Variants in MCC observed in about 807,000 individuals in gnomAD.
The protein encoded by MCC is colorectal mutant cancer protein.
Under a neutral mutation model 116.2 loss-of-function variants are expected in MCC, and 90 were observed. The ratio of observed to expected loss-of-function variants is 0.77; its 90% CI spans 0.65 to 0.92. The LOEUF is 0.92. MCC is among the 40% of genes least tolerant of loss of function. MCC has a pLI of 0.00. For synonymous variants in MCC, 578 were observed against 510.5 expected, an observed-to-expected ratio of 1.13 and a Z score of -1.78; for missense variants, 1,516 against 1,312.2, an observed-to-expected ratio of 1.16 and a Z score of -2.40.
At chr5:113,325,166 G>A (rs1338655107) in intron 3 of MCC, among the ~76,000 whole-genome samples, 2 of 152,058 alleles carry the variant, frequency 1.3e-5, no homozygotes, top group African/African-American at 4.8e-5. Flanking sequence ...AACTCACAAT[G>A]AGATAAGTTA....
rs183380466 is a variant in MCC, at chr5:113,103,305, C to G, written c.1191+887G>C. 1.8e-4 allele frequency among the ~76,000 whole-genome samples: 27 copies of G among 152,278 alleles called. 1 individual carries two copies. Among genetic ancestry groups the G allele is most frequent in the Admixed American group, 1.8e-3 (27 of 15,300 alleles). On this transcript the variant is annotated intron_variant, in intron 7 of 18. Coordinates refer to ENST00000408903, the MANE Select transcript of MCC (RefSeq NM_001085377.2). ...ACTCTCATCCTACTTGGCTCTGCTCCAGACCCTGTGGCTTTGTCCCTAGCT... is the reference window on the plus strand; with the variant it reads ...ACTCTCATCCTACTTGGCTCTGCTCGAGACCCTGTGGCTTTGTCCCTAGCT...
At chr5:113,483,108 A>G (rs1772422019) in intron 1 of MCC, among the ~76,000 whole-genome samples, 1 of 152,164 alleles carries the variant, frequency 6.6e-6, no homozygotes, top group Non-Finnish European at 1.5e-5. Flanking sequence ...CTGGACTTTC[A>G]ATTCTATTCC....
At chr5:113,055,072 TACTG>T (rs1404586028) in intron 14 of MCC, among the ~76,000 whole-genome samples, 2 of 152,212 alleles carry the variant, frequency 1.3e-5, no homozygotes, top group Non-Finnish European at 2.9e-5. Flanking sequence ...AGCAGAGGCC[TACTG>T]ACCTTGCATC....
At chr5:113,361,365 T>A (rs972784052) in intron 2 of MCC, among the ~76,000 whole-genome samples, 4 of 152,180 alleles carry the variant, frequency 2.6e-5, no homozygotes, top group Non-Finnish European at 5.9e-5. Context: ...TGTTTTGCTG[T>A]TCTCTTTCAA....
chr5:113,109,072 G>A (rs1724900814), intron 6 of MCC, among the ~76,000 whole-genome samples: 1 of 152,214 alleles, frequency 6.6e-6, no homozygotes, highest in South Asian at 2.1e-4. Flanking sequence ...GCATCCACAT[G>A]GCTCCAGACA....
chr5:113,131,809 A>T (rs1278468030), intron 5 of MCC, among the ~76,000 whole-genome samples: 2 of 152,112 alleles, frequency 1.3e-5, no homozygotes, highest in Admixed American at 6.6e-5. Flanking sequence ...CTGGTAAGAG[A>T]ATCTGAGAGG....
rs145032612 is a variant in MCC at position 113,385,284 on chromosome 5, A to C, written c.171-72T>G. On this transcript the variant is annotated intron_variant, in intron 1 of 18. Transcript: ENST00000408903. ...AAGCTAGAGAAACTGGTTAATGAAAAAAAAAAGGTATTTCTTAAATATATT... is the reference window on the plus strand; with the variant it reads ...AAGCTAGAGAAACTGGTTAATGAAACAAAAAAGGTATTTCTTAAATATATT... 275 of 1,458,398 alleles carry C rather than the reference A, an allele frequency of 1.9e-4. No individual in the cohort carries two copies. The African/African-American group carries it at 3.6e-3, about 19-fold the overall frequency. 90.3% of individuals were successfully genotyped at this position (1,458,398 alleles called of 1,614,324 possible). A position where few individuals can be genotyped will look rare whatever the true frequency, so the allele number is the denominator to read the frequency against.
intron 2 of MCC, among the ~76,000 whole-genome samples, chr5:113,362,267 T>G (rs1008233765): frequency 9.2e-5 from 14 of 152,244 alleles, no homozygotes; most frequent in Non-Finnish European, 1.9e-4. Flanking sequence ...CCTCAAGTGA[T>G]CTGCCTGCCT....
chr5:113,046,746 A>T (rs921120406), intron 16 of MCC, among the ~76,000 whole-genome samples: 24 of 142,414 alleles, frequency 1.7e-4, no homozygotes, highest in Non-Finnish European at 2.9e-4. Context: ...ATGGAACCTC[A>T]TCTTCCCGAG....
intron 1 of MCC, among the ~76,000 whole-genome samples, chr5:113,440,182 T>G (rs989534070): frequency 2.0e-5 from 3 of 152,224 alleles, no homozygotes; most frequent in African/African-American, 4.8e-5. Context: ...CAGTCTGGCA[T>G]TTCTCCTCAT....
chr5:113,401,769 TTA>T (rs34691429), intron 1 of MCC, among the ~76,000 whole-genome samples: 34,109 of 116,170 alleles, frequency 0.29, 5,165 homozygotes, highest in African/African-American at 0.49. Context: ...GTTTTCTTAT[TTA>T]TATATATATA....
chr5:113,319,280 T>C (rs1376399649), intron 3 of MCC, among the ~76,000 whole-genome samples: 2 of 152,234 alleles, frequency 1.3e-5, no homozygotes, highest in Non-Finnish European at 2.9e-5. Context: ...AAAGCTCTGA[T>C]CCTGGGGCCG....
chr5:113,285,110 T>C (rs1480857113), intron 3 of MCC, among the ~76,000 whole-genome samples: 1 of 152,168 alleles, frequency 6.6e-6, no homozygotes, highest in Non-Finnish European at 1.5e-5. Context: ...AAAAAATAAT[T>C]ACAGTGTATT....
chr5:113,104,255 G>A lies in MCC; in HGVS notation c.1128C>T (p.Ala376=), dbSNP rs140530943. Reference sequence around the variant, plus strand: ...GCTGCTCAATGTGCTTGTCCACCTCGGCCACGGAGAGGCTGCAGCTGCTCT... The same window carrying A: ...GCTGCTCAATGTGCTTGTCCACCTCAGCCACGGAGAGGCTGCAGCTGCTCT... ...RKKSSCSLSV[A]EVDKHIEQLT... The change falls in exon 7 of 19, where the codon GCC becomes GCT. Residue 376 remains alanine, a synonymous_variant. Coordinates refer to ENST00000408903, the MANE Select transcript of MCC (RefSeq NM_001085377.2). The A allele has an allele frequency of 1.3e-5, 21 of 1,614,004 alleles. No homozygotes were observed. The Middle Eastern group carries it at 5.0e-4, about 38-fold the overall frequency.
At chr5:113,049,369 G>A in intron 15 of MCC, 70 bp from the exon 16 acceptor site, 2 of 1,328,944 alleles carry the variant, frequency 1.5e-6, no homozygotes, top group Non-Finnish European at 2.0e-6. Flanking sequence ...GCTGCCAAGT[G>A]GGTGGGTGGG....
At chr5:113,345,619 C>T (rs886310974) in intron 2 of MCC, among the ~76,000 whole-genome samples, 4 of 152,232 alleles carry the variant, frequency 2.6e-5, no homozygotes, top group African/African-American at 9.6e-5. Context: ...ACAAGAGTCT[C>T]TGCCTCGTAA....
chr5:113,346,392 G>T lies in MCC; in HGVS notation c.416-5662C>A, dbSNP rs555066517. Among the ~76,000 whole-genome samples the T allele has an allele frequency of 7.4e-4, 113 of 152,174 alleles. 1 individual carries two copies. Among genetic ancestry groups the T allele is most frequent in the African/African-American group, 2.7e-3 (111 of 41,534 alleles). On this transcript the variant is annotated intron_variant, in intron 2 of 18. Transcript: ENST00000408903. ...GTAGGTGGATCACCTGAGGTCAGAA[G>T]TTCAAGACCAGCCTGGACAACATGG...
intron 13 of MCC, among the ~76,000 whole-genome samples, chr5:113,065,362 A>G (rs1561771813): frequency 1.3e-5 from 2 of 152,240 alleles, no homozygotes; most frequent in Non-Finnish European, 2.9e-5. Context: ...CTCTAAAAAA[A>G]CAAAGCCTTA....
At chr5:113,048,883 T>C (rs547927499) in intron 16 of MCC, 1 of 596,230 alleles carries the variant, frequency 1.7e-6, no homozygotes, top group East Asian at 2.8e-5. Context: ...GTTCAACTAT[T>C]ACATAAAGTG....
Sources: gnomAD v4.1 joint callset for allele counts (sites outside exome capture counted in the v4.1 genomes callset) on GRCh38, gnomAD v4.1.1 for gene constraint, MANE v1.5 for transcripts, NCBI Gene and HGNC (gene_info 2026-07-23, HGNC 2026-07-21) for gene names.